NDRG4: variants seen among roughly 807,000 people sequenced by gnomAD.
NDRG4 encodes the protein protein NDRG4.
In NDRG4, 38 loss-of-function variants were observed where a neutral mutation model predicts 55.8. The ratio of observed to expected loss-of-function variants is 0.68; its 90% CI spans 0.53 to 0.89. NDRG4 has a LOEUF of 0.89. Among genes scored for constraint, NDRG4 ranks in the 40% least tolerant of loss-of-function variants. NDRG4 has a pLI of 0.00. For missense variants in NDRG4, 455 were observed against 468.6 expected (o/e 0.97, Z 0.27); for synonymous variants, 190 against 182.7 (o/e 1.04, Z -0.32).
chr16:58,504,601 G>A lies in NDRG4; in HGVS notation c.324G>A (p.Val108=). The A allele has an allele frequency of 1.2e-6, 2 of 1,614,184 alleles. No individual in the cohort carries two copies. Among genetic ancestry groups the A allele is most frequent in the South Asian group, 2.2e-5 (2 of 91,084 alleles). ...TGCTCTGCACCAGGTTCAAGTATGT[G>A]ATTGGCATCGGAGTGGGCGCCGGAG... The part of the protein sequence containing the change: ...SVVQHFGFKY[V]IGIGVGAGAY... The change falls in exon 5 of 15, where the codon GTG becomes GTA. Residue 108 remains valine (V), a synonymous_variant. Coordinates refer to ENST00000570248, the MANE Select transcript of NDRG4 (RefSeq NM_001242835.2).
At position 58,504,258 on chromosome 16, in the gene NDRG4, T is replaced by C; in HGVS notation, c.232T>C (p.Ser78Pro). ...TGCCCCTGGACAACAGGTGGGGGCG[T>C]CGCAGTTTCCTCAGGGGTAGGTACC... Reference protein sequence around the residue: ...VDAPGQQVGASQFPQGYQFPS... With the variant: ...VDAPGQQVGAPQFPQGYQFPS... Residue 78 changes from serine (S) to proline (P), a missense_variant, in exon 3 of 15, where the codon TCG becomes CCG. Transcript: ENST00000570248. 1 of 1,614,070 alleles carries C rather than the reference T, an allele frequency of 6.2e-7. No homozygotes were observed. Among genetic ancestry groups the C allele is most frequent in the South Asian group, 1.1e-5 (1 of 91,074 alleles).
At chr16:58,499,867 G>T, upstream of NDRG4, 1 of 392,126 alleles carries the variant, frequency 2.6e-6, no homozygotes, top group Non-Finnish European at 4.8e-6. Flanking sequence ...GATCCCGTGT[G>T]AGCTGCAGCT....
At chr16:58,508,143 CCA>C (rs1375764617) in intron 10 of NDRG4, 144 bp downstream of exon 10, 14 of 703,836 alleles carry the variant, frequency 2.0e-5, no homozygotes, top group Non-Finnish European at 2.9e-5. Flanking sequence ...GTCCACTTTC[CCA>C]CAGTCTTGCC....
chr16:58,508,927 AG>A, intron 10 of NDRG4, 34 bp from the exon 11 acceptor site: 1 of 1,609,826 alleles, frequency 6.2e-7, no homozygotes, highest in Non-Finnish European at 8.5e-7. Flanking sequence ...GGGGAGGGGC[AG>A]GGGCTGTTGC....
chr16:58,465,028 G>C (rs1428169720), intron 1 of NDRG4: 33 of 1,251,826 alleles, frequency 2.6e-5, no homozygotes, highest in Non-Finnish European at 3.4e-5. Context: ...TCACATCCAG[G>C]GGGCAGTGGC....
intron 2 of NDRG4, among the ~76,000 whole-genome samples, chr16:58,493,218 G>A (rs1463005970): frequency 6.6e-6 from 1 of 152,150 alleles, no homozygotes; most frequent in Non-Finnish European, 1.5e-5. Flanking sequence ...TCATCCTCCT[G>A]TGGCACCCTA....
intron 2 of NDRG4, among the ~76,000 whole-genome samples, chr16:58,490,521 A>G (rs566601457): frequency 1.6e-4 from 24 of 152,130 alleles, no homozygotes; most frequent in African/African-American, 5.3e-4. Flanking sequence ...TGGTGTCTCT[A>G]TCTACCCATC....
intron 2 of NDRG4, among the ~76,000 whole-genome samples, chr16:58,490,140 C>T (rs1266022484): frequency 6.6e-6 from 1 of 152,218 alleles, no homozygotes; most frequent in Admixed American, 6.5e-5. Flanking sequence ...CTGTGCCTGC[C>T]TACCAGCCTG....
chr16:58,492,325 CCT>C (rs1196473566), intron 2 of NDRG4, among the ~76,000 whole-genome samples: 1 of 152,142 alleles, frequency 6.6e-6, no homozygotes, highest in Admixed American at 6.5e-5. Flanking sequence ...CTGTTCTCCT[CCT>C]CGTGCTCACC....
intron 1 of NDRG4, chr16:58,501,463 G>A: frequency 5.7e-6 from 1 of 176,856 alleles, no homozygotes; most frequent in Admixed American, 6.3e-5. Context: ...ACGTCACCCA[G>A]AGCCAATGGG....
In NDRG4 at chr16:58,483,635, T is replaced by C. The variant is rs529148871; in HGVS notation, c.-23-4121T>C. 3.9e-4 allele frequency among the ~76,000 whole-genome samples: 59 copies of C among 152,350 alleles called. No homozygotes were observed. The South Asian group carries it at 0.012, about 30-fold the overall frequency. On this transcript the variant is annotated intron_variant, in intron 1 of 15. Coordinates refer to the NDRG4 transcript ENST00000258187. ...GCCCCTCTGCGTGCAGCTATGAATC[T>C]ATCCTCTAACAGAAACAAGAGGAAA... is the stretch of plus-strand genomic sequence containing the variant.
At chr16:58,506,263 G>A (rs2037993249) in intron 5 of NDRG4, 124 bp from the exon 6 acceptor site, 2 of 861,986 alleles carry the variant, frequency 2.3e-6, no homozygotes, top group African/African-American at 1.6e-5. Flanking sequence ...GGACATGGGT[G>A]TGCATGCACA....
intron 1 of NDRG4, among the ~76,000 whole-genome samples, chr16:58,478,823 T>G (rs2034061249): frequency 6.6e-6 from 1 of 151,844 alleles, no homozygotes; most frequent in South Asian, 2.1e-4. Context: ...TAAAAATTAG[T>G]GTCACTTGTA....
chr16:58,503,857 G>A lies in NDRG4; in HGVS notation c.81G>A (p.Lys27=). 6.2e-7 allele frequency: 1 copy of A among 1,613,940 alleles called. No homozygotes were observed. The highest frequency in any genetic ancestry group is 8.5e-7 in the Non-Finnish European group (1 of 1,179,978). ...ATGTAGTGATCCGGGGCTCCCCCAA[G>A]GGGAACCGCCCAGCCATCCTCACCT... is the stretch of plus-strand genomic sequence containing the variant. ...LLHVVIRGSP[K]GNRPAILTYH... Residue 27 remains lysine, a synonymous_variant, in exon 2 of 15, where the codon AAG becomes AAA. Transcript: ENST00000570248.
At position 58,500,226 on chromosome 16, in the gene NDRG4, G is replaced by A. The variant is rs2036895792; in HGVS notation, c.-23G>A. 1 of 1,536,116 alleles carries A rather than the reference G, an allele frequency of 6.5e-7. No homozygotes were observed. On this transcript the variant is annotated 5_prime_UTR_variant, in exon 1 of 15. Coordinates refer to ENST00000570248, the MANE Select transcript of NDRG4 (RefSeq NM_001242835.2). ...GCCTTTGTTTGTCCTTCCTGGTAGA[G>A]GCGGGTTCCCTCCCTCGGCAAGATG...
rs958489733 is a variant in NDRG4, at chr16:58,464,956, T to C, written c.-24+1159T>C. The C allele has an allele frequency of 5.9e-6, 7 of 1,190,456 alleles. No homozygotes were observed. In the African/African-American group the frequency reaches 1.1e-4, roughly 19 times the overall value. 73.7% of individuals were successfully genotyped at this position (1,190,456 alleles called of 1,614,324 possible). On this transcript the variant is annotated intron_variant, in intron 1 of 15. Coordinates refer to the NDRG4 transcript ENST00000258187. The surrounding 1 kb of genome is among the most constrained non-coding windows in gnomAD (Gnocchi z 4.8). The stretch of plus-strand genomic sequence containing the variant: ...AGTGGGAAGCCAGATTGGACCCTAC[T>C]GACTGGGGACCCTCAGCCTTGGGGC...
intron 1 of NDRG4, among the ~76,000 whole-genome samples, chr16:58,477,833 A>T (rs1234293403): frequency 2.0e-5 from 3 of 152,192 alleles, no homozygotes; most frequent in Non-Finnish European, 4.4e-5. Context: ...GTGTCAAAGT[A>T]TCTTCCCACA....
At chr16:58,490,381 C>G (rs76944362) in intron 2 of NDRG4, among the ~76,000 whole-genome samples, 5,077 of 152,238 alleles carry the variant, frequency 0.033, 285 homozygotes, top group African/African-American at 0.12. Flanking sequence ...CCTGTCTCTT[C>G]CACTGCCCAC....
At chr16:58,506,281 C>G in intron 5 of NDRG4, 106 bp from the exon 6 acceptor site, 1 of 1,095,328 alleles carries the variant, frequency 9.1e-7, no homozygotes, top group East Asian at 2.4e-5. Context: ...ACAGACCCGG[C>G]TGTAGCCGGG....
Sources: allele counts gnomAD v4.1 joint callset (sites outside exome capture counted in the v4.1 genomes callset), GRCh38; gene constraint gnomAD v4.1.1; non-coding constraint Gnocchi (gnomAD v3.1); transcripts MANE v1.5; gene names NCBI Gene and HGNC (gene_info 2026-07-23, HGNC 2026-07-21).